The following GRID1 variants were observed in gnomAD, a reference collection of about 807,000 sequenced individuals.
GRID1 encodes glutamate ionotropic receptor delta type subunit 1.
GRID1 carries 28 observed loss-of-function variants against 98.0 expected under a neutral mutation model. That is an observed-to-expected ratio of 0.29 (90% CI 0.21 to 0.39). The LOEUF (loss-of-function observed/expected upper bound fraction) is 0.39, where lower values mean the gene tolerates loss of function less well. Ranked by LOEUF, GRID1 falls within the 10% of genes least tolerant of loss-of-function variation. The pLI, the probability that GRID1 is intolerant of heterozygous loss-of-function variation, is 1.00. For synonymous variants in GRID1, 553 were observed against 538.5 expected, an observed-to-expected ratio of 1.03 and a Z score of -0.37; for missense variants, 1,111 against 1,340.5, an observed-to-expected ratio of 0.83 and a Z score of 2.67.
intron 4 of GRID1, among the ~76,000 whole-genome samples, chr10:86,052,035 T>A (rs1435630730): frequency 6.6e-6 from 1 of 152,228 alleles, no homozygotes; most frequent in Non-Finnish European, 1.5e-5. Context: ...ATGGGTGGAA[T>A]CTAAATGTTA....
chr10:85,957,774 A>G (rs1030611510), intron 4 of GRID1, among the ~76,000 whole-genome samples: 5 of 152,120 alleles, frequency 3.3e-5, no homozygotes, highest in South Asian at 2.1e-4. Context: ...ACCCATTCCC[A>G]GGTAACTCTT....
intron 2 of GRID1, among the ~76,000 whole-genome samples, chr10:86,297,615 C>A (rs1196042174): frequency 6.6e-6 from 1 of 152,010 alleles, no homozygotes; most frequent in Non-Finnish European, 1.5e-5. Context: ...GATAATTCAA[C>A]AATATAAAAA....
At chr10:86,181,985 G>A (rs922320144) in intron 3 of GRID1, among the ~76,000 whole-genome samples, 2 of 152,216 alleles carry the variant, frequency 1.3e-5, no homozygotes, top group African/African-American at 2.4e-5. Context: ...TAGTGTTGCA[G>A]TACTTAGAAT....
chr10:85,833,983 A>C (rs1842891806), intron 8 of GRID1, among the ~76,000 whole-genome samples: 1 of 152,214 alleles, frequency 6.6e-6, no homozygotes, highest in Non-Finnish European at 1.5e-5. Flanking sequence ...TCAAGGGTGT[A>C]TGGGACAATA....
intron 4 of GRID1, among the ~76,000 whole-genome samples, chr10:86,111,332 G>A (rs1452536096): frequency 1.3e-5 from 2 of 152,128 alleles, no homozygotes; most frequent in Admixed American, 6.5e-5. Flanking sequence ...GTGGATGCAG[G>A]GCTGTGTGAG....
At chr10:85,913,580 G>A (rs1472853019) in intron 5 of GRID1, among the ~76,000 whole-genome samples, 1 of 152,102 alleles carries the variant, frequency 6.6e-6, no homozygotes, top group Admixed American at 6.5e-5. Flanking sequence ...ACTTGAGGTC[G>A]GGAGTTCGAG....
intron 8 of GRID1, among the ~76,000 whole-genome samples, chr10:85,817,338 G>A (rs1842724977): frequency 6.6e-6 from 1 of 150,788 alleles, no homozygotes. Flanking sequence ...GACCAGCCTG[G>A]GAAACACAGT....
At chr10:86,213,660 C>G (rs1229427124) in intron 2 of GRID1, among the ~76,000 whole-genome samples, 1 of 152,062 alleles carries the variant, frequency 6.6e-6, no homozygotes, top group Non-Finnish European at 1.5e-5. Context: ...TTTGACCCAC[C>G]CCACTGAACA....
chr10:85,879,733 C>A, intron 5 of GRID1, among the ~76,000 whole-genome samples: 1 of 152,138 alleles, frequency 6.6e-6, no homozygotes, highest in Non-Finnish European at 1.5e-5. Flanking sequence ...AGAGCAAATA[C>A]ATTCAAAAGC....
At chr10:85,730,487 A>G (rs761376448) in intron 8 of GRID1, among the ~76,000 whole-genome samples, 1 of 152,198 alleles carries the variant, frequency 6.6e-6, no homozygotes, top group Non-Finnish European at 1.5e-5. Context: ...GGGCCTGAGC[A>G]TAGGAAGTGT....
At chr10:85,871,098 T>C (rs1228989968) in intron 5 of GRID1, among the ~76,000 whole-genome samples, 1 of 152,098 alleles carries the variant, frequency 6.6e-6, no homozygotes, top group East Asian at 1.9e-4. Flanking sequence ...TAAGATGGGC[T>C]TACATCCTGA....
At chr10:85,901,276 C>T (rs1257663280) in intron 5 of GRID1, among the ~76,000 whole-genome samples, 1 of 149,212 alleles carries the variant, frequency 6.7e-6, no homozygotes, top group South Asian at 2.1e-4. Flanking sequence ...GACAGAGTCT[C>T]GCTCTGTCGC....
At chr10:85,760,005 C>T (rs1842132493) in intron 8 of GRID1, among the ~76,000 whole-genome samples, 1 of 152,164 alleles carries the variant, frequency 6.6e-6, no homozygotes, top group African/African-American at 2.4e-5. Context: ...ATCACCATTA[C>T]ATTCTCAAGT....
chr10:86,089,638 A>C (rs1267644134), intron 4 of GRID1, among the ~76,000 whole-genome samples: 1 of 152,256 alleles, frequency 6.6e-6, no homozygotes, highest in African/African-American at 2.4e-5. Flanking sequence ...ATTTTTAAAC[A>C]GCTAGCATAA....
intron 2 of GRID1, among the ~76,000 whole-genome samples, chr10:86,346,438 C>A (rs1848383333): frequency 6.6e-6 from 1 of 152,214 alleles, no homozygotes; most frequent in Admixed American, 6.5e-5. Context: ...TGGGGCCTGG[C>A]CCCAGGTCCA....
At chr10:85,704,093 T>G (rs981731820) in intron 12 of GRID1, among the ~76,000 whole-genome samples, 12 of 152,208 alleles carry the variant, frequency 7.9e-5, no homozygotes, top group African/African-American at 2.9e-4. Context: ...AACATCATAA[T>G]GACAGGATCA....
intron 2 of GRID1, among the ~76,000 whole-genome samples, chr10:86,320,927 G>A (rs934814676): frequency 1.3e-5 from 2 of 151,824 alleles, no homozygotes; most frequent in East Asian, 1.9e-4. Context: ...GTGAAACCCC[G>A]TCTCTACTAA....
intron 3 of GRID1, among the ~76,000 whole-genome samples, chr10:86,162,167 T>C (rs7896144): frequency 0.31 from 47,634 of 152,054 alleles, 9,185 homozygotes; most frequent in African/African-American, 0.54. Flanking sequence ...GTAATTTATC[T>C]AGATGGACCT....
chr10:85,996,307 A>C (rs1842737934), intron 4 of GRID1, among the ~76,000 whole-genome samples: 2 of 152,268 alleles, frequency 1.3e-5, no homozygotes. Flanking sequence ...CTATTATAAA[A>C]ATGTTCCAAC....
Sources: gnomAD v4.1 joint callset for allele counts (sites outside exome capture counted in the v4.1 genomes callset) on GRCh38, gnomAD v4.1.1 for gene constraint, MANE v1.5 for transcripts, NCBI Gene and HGNC (gene_info 2026-07-23, HGNC 2026-07-21) for gene names.